HSPA14: variants seen among roughly 807,000 people sequenced by gnomAD.
HSPA14 encodes the protein heat shock 70 kDa protein 14.
A neutral mutation model predicts 65.5 loss-of-function variants in HSPA14; 37 were observed. The observed-to-expected ratio is 0.56, with a 90% CI of 0.43 to 0.74. HSPA14 has a LOEUF of 0.74. HSPA14 is among the 30% of genes least tolerant of loss of function. The probability of loss-of-function intolerance (pLI) is 0.00; values close to 1 mark genes in which losing one functional copy is unlikely to be tolerated. For missense variants in HSPA14, 564 were observed against 607.6 expected (o/e 0.93, Z 0.75); for synonymous variants, 203 against 214.2 (o/e 0.95, Z 0.46).
intron 3 of HSPA14, chr10:14,843,683 G>A (rs1347926180): frequency 1.7e-5 from 26 of 1,544,768 alleles, no homozygotes; most frequent in East Asian, 2.4e-5. Flanking sequence ...CGATTGGCAC[G>A]AGAACTCTCA....
intron 3 of HSPA14, chr10:14,844,727 T>A (rs1834025034): frequency 1.0e-6 from 1 of 963,860 alleles, no homozygotes; most frequent in Non-Finnish European, 1.2e-6. Flanking sequence ...ATATTAAATA[T>A]ATGTAAATTC....
rs1834116206 is a variant in HSPA14, at chr10:14,852,510, A to G, written c.713A>G (p.Tyr238Cys). The change falls in exon 8 of 14, where the codon TAT (tyrosine) becomes TGT (cysteine). Residue 238 changes from tyrosine (Y) to cysteine (C), a missense_variant. Tyr to Cys is a radical substitution (Grantham distance 194, BLOSUM62 -2). Transcript: ENST00000378372. ...CATTTCACAGAAACCTTAGCACAGT[A>G]TCTAGCTTCTGAGTTCCAAAGGTGA... ...GAHFTETLAQ[Y>C]LASEFQRSFK... 1.2e-6 allele frequency: 2 copies of G among 1,613,002 alleles called. No homozygotes were observed. Among genetic ancestry groups the G allele is most frequent in the Middle Eastern group, 1.7e-4 (1 of 6,054 alleles).
Position 14,851,223 on chromosome 10 carries a change from G to T in HSPA14, c.472G>T (p.Ala158Ser). 6.4e-7 allele frequency: 1 copy of T among 1,566,854 alleles called. No individual in the cohort carries two copies. Residue 158 changes from alanine to serine, a missense_variant, in exon 7 of 14, where the codon GCA becomes TCA. By Grantham distance (99) the Ala-to-Ser change is moderately conservative. Coordinates refer to ENST00000378372, the MANE Select transcript of HSPA14 (RefSeq NM_016299.4). ...GEKQKNALGEAARAAGFNVLR... is the reference protein window; with the variant it reads ...GEKQKNALGESARAAGFNVLR... ...TTGAAAGCAAATTGTTCACAGAGAA[G>T]CAGCTAGAGCTGCTGGATTTAATGT...
At chr10:14,843,120 A>G (rs1833996517) in intron 3 of HSPA14, among the ~76,000 whole-genome samples, 1 of 152,206 alleles carries the variant, frequency 6.6e-6, no homozygotes, top group African/African-American at 2.4e-5. Flanking sequence ...GTAGTCAGGA[A>G]ATTGTAGGTC....
intron 3 of HSPA14, among the ~76,000 whole-genome samples, chr10:14,847,939 G>C (rs1276102684): frequency 6.6e-6 from 1 of 152,184 alleles, no homozygotes; most frequent in Admixed American, 6.5e-5. Context: ...CTCACGTACT[G>C]ACTCTGCCCC....
In HSPA14 at chr10:14,870,632, A is replaced by G; in HGVS notation, c.1416A>G (p.Gly472=). Residue 472 remains glycine (G), a synonymous_variant, in exon 13 of 14, where the codon GGA becomes GGG. Transcript: ENST00000378372. ...VLQDLDKKEN[G]LRDILAVLTM... is the part of the protein sequence containing the mutation. Reference sequence around the variant, plus strand: ...AGGATTTAGATAAAAAAGAAAATGGATTACGTGATATATTAGCTGTTCTTA... The same window carrying G: ...AGGATTTAGATAAAAAAGAAAATGGGTTACGTGATATATTAGCTGTTCTTA... 1.3e-6 allele frequency: 2 copies of G among 1,582,586 alleles called. No homozygotes were observed. Among genetic ancestry groups the G allele is most frequent in the East Asian group, 4.5e-5 (2 of 44,016 alleles).
At position 14,854,135 on chromosome 10, in the gene HSPA14, C is replaced by T; in HGVS notation, c.745C>T (p.His249Tyr). 6.2e-7 allele frequency: 1 copy of T among 1,600,246 alleles called. No individual in the cohort carries two copies. Among genetic ancestry groups the T allele is most frequent in the Non-Finnish European group, 8.5e-7 (1 of 1,176,126 alleles). ...ATGTTTTTAATTTAGATCCTTCAAA[C>T]ATGATGTGAGAGGAAATGCGCGAGC... ...LASEFQRSFKHDVRGNARAMM... is the reference protein window; with the variant it reads ...LASEFQRSFKYDVRGNARAMM... The change falls in exon 9 of 14, where the codon CAT becomes TAT. Residue 249 changes from histidine to tyrosine, a missense_variant. Physicochemically the swap from His to Tyr is moderately conservative, Grantham distance 83. Transcript: ENST00000378372.
intron 12 of HSPA14, among the ~76,000 whole-genome samples, chr10:14,868,692 T>G (rs1832827870): frequency 6.6e-6 from 1 of 152,178 alleles, no homozygotes; most frequent in African/African-American, 2.4e-5. Flanking sequence ...TTCCAGAAAC[T>G]TCACAGTAGG....
intron 5 of HSPA14, chr10:14,849,408 T>C (rs1419804020): frequency 1.9e-6 from 1 of 516,904 alleles, no homozygotes. Flanking sequence ...CATTATGACG[T>C]TGTGTCTTCA....
intron 13 of HSPA14, among the ~76,000 whole-genome samples, chr10:14,871,099 CTATG>C (rs1481763815): frequency 2.0e-5 from 3 of 152,200 alleles, no homozygotes; most frequent in African/African-American, 7.2e-5. Flanking sequence ...ATCCATATCA[CTATG>C]TATTACAAGT....
intron 3 of HSPA14, chr10:14,844,012 A>C (rs917507200): frequency 6.9e-7 from 1 of 1,454,612 alleles, no homozygotes; most frequent in South Asian, 1.5e-5. Context: ...TGAACCATTT[A>C]TATCCAGATA....
intron 9 of HSPA14, 133 bp from the exon 10 acceptor site, chr10:14,855,708 T>C (rs1258832646): frequency 3.5e-6 from 2 of 568,756 alleles, no homozygotes; most frequent in Non-Finnish European, 6.2e-6. Context: ...TTCAGAGAAC[T>C]ATCATATTAA....
intron 3 of HSPA14, among the ~76,000 whole-genome samples, chr10:14,841,788 GCAT>G (rs961518217): frequency 2.6e-5 from 4 of 152,230 alleles, no homozygotes; most frequent in African/African-American, 9.6e-5. Flanking sequence ...TAAAGACTGA[GCAT>G]CTTTCAGATT....
At chr10:14,844,858 T>G (rs765908115) in intron 3 of HSPA14, 50 of 985,342 alleles carry the variant, frequency 5.1e-5, no homozygotes, top group Non-Finnish European at 5.9e-5. Flanking sequence ...GCTTTTTAGC[T>G]GATTTCATTC....
chr10:14,845,087 T>C (rs1034660525), intron 3 of HSPA14: 1 of 985,434 alleles, frequency 1.0e-6, no homozygotes, highest in Non-Finnish European at 1.2e-6. Context: ...TGACTCCTTT[T>C]AAGCACTAGC....
At chr10:14,843,354 G>T (rs1380462495) in intron 3 of HSPA14, 3 of 1,550,616 alleles carry the variant, frequency 1.9e-6, no homozygotes, top group Non-Finnish European at 1.7e-6. Context: ...TTGCAACATT[G>T]TTGCTTTGTT....
intron 3 of HSPA14, chr10:14,843,471 C>T (rs761285501): frequency 1.9e-5 from 29 of 1,550,530 alleles, no homozygotes; most frequent in Middle Eastern, 3.3e-4. Context: ...TGGGTGTGTC[C>T]GGGGAGCCCA....
At chr10:14,860,646 G>A (rs1248072311) in intron 10 of HSPA14, among the ~76,000 whole-genome samples, 4 of 152,088 alleles carry the variant, frequency 2.6e-5, no homozygotes, top group Admixed American at 6.6e-5. Flanking sequence ...AACAGGGGCC[G>A]AACTGAGTGA....
intron 12 of HSPA14, among the ~76,000 whole-genome samples, chr10:14,869,007 C>T (rs1006475610): frequency 7.3e-5 from 11 of 151,062 alleles, no homozygotes; most frequent in Admixed American, 4.0e-4. Flanking sequence ...CCACCACGTT[C>T]GTCTAATTTT....
Sources: gnomAD v4.1 joint callset for allele counts (sites outside exome capture counted in the v4.1 genomes callset) on GRCh38, gnomAD v4.1.1 for gene constraint, MANE v1.5 for transcripts, NCBI Gene and HGNC (gene_info 2026-07-23, HGNC 2026-07-21) for gene names.